The following ANK2 variants were observed in gnomAD, a reference collection of about 807,000 sequenced individuals.
The protein encoded by ANK2 is ankyrin 2.
In ANK2, 83 loss-of-function variants were observed where a neutral mutation model predicts 360.5. The observed-to-expected ratio is 0.23, with a 90% CI of 0.19 to 0.28. ANK2 has a LOEUF of 0.28. ANK2 is among the 10% of genes least tolerant of loss of function. The probability of loss-of-function intolerance (pLI) is 1.00; values close to 1 mark genes in which losing one functional copy is unlikely to be tolerated. For missense variants in ANK2, 4,201 were observed against 4,795.7 expected (o/e 0.88, Z 3.66); for synonymous variants, 1,740 against 1,759.5 (o/e 0.99, Z 0.28).
At chr4:112,829,973 A>T (rs13129040) in intron 1 of ANK2, among the ~76,000 whole-genome samples, 44,752 of 145,352 alleles carry the variant, frequency 0.31, 6,776 homozygotes, top group East Asian at 0.37. Flanking sequence ...AAATAAAAAT[A>T]AAAAATAAAA....
Position 112,853,232 on chromosome 4 carries a change from C to CTAT in ANK2, c.-40+34970_-40+34972dup, listed in dbSNP as rs2065472365. 2.0e-5 allele frequency among the ~76,000 whole-genome samples: 3 copies of CTAT among 152,180 alleles called. No homozygotes were observed. The South Asian group carries it at 6.2e-4, about 31-fold the overall frequency. On this transcript the variant is annotated intron_variant, in intron 1 of 30. Coordinates refer to the ANK2 transcript ENST00000503271. Reference sequence around the variant, plus strand: ...TACAGGCATGCACTACCACACCTGGCTATTTTTTGTATTTTTAGTAGAGAT... The same window carrying CTAT: ...TACAGGCATGCACTACCACACCTGGCTATTATTTTTTGTATTTTTAGTAGAGAT...
At chr4:112,931,256 A>C (rs946717509) in intron 2 of ANK2, among the ~76,000 whole-genome samples, 1 of 152,072 alleles carries the variant, frequency 6.6e-6, no homozygotes, top group Middle Eastern at 3.2e-3. Flanking sequence ...CCGGAGTCTT[A>C]GTGGTTGGAA....
At chr4:112,764,293 G>C in the ANK2 span, among the ~76,000 whole-genome samples, 1 of 151,778 alleles carries the variant, frequency 6.6e-6, no homozygotes, top group Non-Finnish European at 1.5e-5. Flanking sequence ...TCGTCCCATT[G>C]ATCTCTTTTC....
At chr4:112,732,734 C>T in the ANK2 span, among the ~76,000 whole-genome samples, 1 of 152,196 alleles carries the variant, frequency 6.6e-6, no homozygotes, top group Non-Finnish European at 1.5e-5. Context: ...CAACACCAAA[C>T]AATGTGGTCT....
chr4:112,809,493 G>A, the ANK2 span, among the ~76,000 whole-genome samples: 1 of 148,402 alleles, frequency 6.7e-6, no homozygotes, highest in African/African-American at 2.5e-5. Flanking sequence ...CCTGGGAGGC[G>A]GAGGTTGCAG....
At chr4:112,801,847 C>T in the ANK2 span, among the ~76,000 whole-genome samples, 1 of 151,954 alleles carries the variant, frequency 6.6e-6, no homozygotes, top group South Asian at 2.1e-4. Context: ...TCCATTAAAG[C>T]AGTTGAAGAA....
At chr4:112,743,920 C>T in the ANK2 span, among the ~76,000 whole-genome samples, 3 of 151,916 alleles carry the variant, frequency 2.0e-5, no homozygotes, top group Non-Finnish European at 4.4e-5. Context: ...CCTCTGCCTG[C>T]CGGGTTCATC....
chr4:113,142,135 G>C (rs141155606), intron 1 of ANK2, among the ~76,000 whole-genome samples: 6 of 152,298 alleles, frequency 3.9e-5, no homozygotes, highest in Non-Finnish European at 7.4e-5. Flanking sequence ...CATATTCCTT[G>C]TCAGATGTCC....
At chr4:112,752,266 G>C in the ANK2 span, among the ~76,000 whole-genome samples, 1 of 152,250 alleles carries the variant, frequency 6.6e-6, no homozygotes, top group Non-Finnish European at 1.5e-5. Flanking sequence ...GATGTGAGTA[G>C]ATGCCTGTGC....
At chr4:112,811,226 C>T in the ANK2 span, among the ~76,000 whole-genome samples, 2 of 152,126 alleles carry the variant, frequency 1.3e-5, no homozygotes, top group African/African-American at 2.4e-5. Flanking sequence ...CGTGAGCCAC[C>T]GCGCCCGGCC....
intron 1 of ANK2, among the ~76,000 whole-genome samples, chr4:113,119,452 C>T (rs916431283): frequency 1.3e-5 from 2 of 151,758 alleles, no homozygotes; most frequent in African/African-American, 2.4e-5. Flanking sequence ...AAATTTACCT[C>T]ATCATCATAC....
Position 113,353,913 on chromosome 4 carries a change from C to T in ANK2, c.5295C>T (p.Ser1765=), listed in dbSNP as rs1207188254. The T allele has an allele frequency of 6.2e-7, 1 of 1,613,900 alleles. No individual in the cohort carries two copies. The highest frequency in any genetic ancestry group is 1.3e-5 in the African/African-American group (1 of 74,860). ...SPLIEETPIG[S]IKDKVKALQK... ...TGATAGAAGAAACTCCCATTGGTTCCATAAAGGACAAAGTAAAGGCCCTTC... is the reference window on the plus strand; with the variant it reads ...TGATAGAAGAAACTCCCATTGGTTCTATAAAGGACAAAGTAAAGGCCCTTC... Residue 1765 remains serine (S), a synonymous_variant, in exon 38 of 46, where the codon TCC becomes TCT. Coordinates refer to ENST00000357077, the MANE Select transcript of ANK2 (RefSeq NM_001148.6).
chr4:112,970,576 G>A (rs1409118484), intron 2 of ANK2, among the ~76,000 whole-genome samples: 1 of 152,018 alleles, frequency 6.6e-6, no homozygotes, highest in South Asian at 2.1e-4. Context: ...GGCTTGTCTC[G>A]AGCTCCTGAC....
At chr4:112,757,441 C>T in the ANK2 span, among the ~76,000 whole-genome samples, 1 of 152,146 alleles carries the variant, frequency 6.6e-6, no homozygotes, top group Non-Finnish European at 1.5e-5. Flanking sequence ...TCATCAGTAA[C>T]TGTCAAACAG....
chr4:112,749,073 T>A, the ANK2 span, among the ~76,000 whole-genome samples: 1 of 151,790 alleles, frequency 6.6e-6, no homozygotes, highest in African/African-American at 2.4e-5. Context: ...CTGATTTTTT[T>A]ATTATTAGTA....
intron 2 of ANK2, among the ~76,000 whole-genome samples, chr4:112,962,749 G>C (rs1456191497): frequency 6.6e-6 from 1 of 152,154 alleles, no homozygotes; most frequent in Non-Finnish European, 1.5e-5. Flanking sequence ...GCTATAGGGA[G>C]AGGACTTTAG....
At chr4:112,944,861 G>A (rs975900961) in intron 2 of ANK2, among the ~76,000 whole-genome samples, 1 of 152,226 alleles carries the variant, frequency 6.6e-6, no homozygotes, top group African/African-American at 2.4e-5. Context: ...CTCTCCCTCT[G>A]AGAGTTGATT....
At chr4:112,931,945 G>A (rs2093281881) in intron 2 of ANK2, among the ~76,000 whole-genome samples, 1 of 152,188 alleles carries the variant, frequency 6.6e-6, no homozygotes, top group South Asian at 2.1e-4. Flanking sequence ...CATAGGTACT[G>A]AAGATTCAAT....
intron 31 of ANK2, among the ~76,000 whole-genome samples, chr4:113,337,759 C>G (rs2093735556): frequency 6.6e-6 from 1 of 152,068 alleles, no homozygotes; most frequent in Middle Eastern, 3.2e-3. Context: ...AAATCATATG[C>G]TTCACTTATG....
Sources: allele counts gnomAD v4.1 joint callset (sites outside exome capture counted in the v4.1 genomes callset), GRCh38; gene constraint gnomAD v4.1.1; transcripts MANE v1.5; gene names NCBI Gene and HGNC (gene_info 2026-07-23, HGNC 2026-07-21).